The following ANKRD27 variants were observed in gnomAD, a reference collection of about 807,000 sequenced individuals.
ANKRD27 encodes ankyrin repeat domain 27.
ANKRD27 carries 112 observed loss-of-function variants against 129.7 expected under a neutral mutation model. The observed-to-expected ratio is 0.86, with a 90% confidence interval of 0.74 to 1.01. The LOEUF (loss-of-function observed/expected upper bound fraction) is 1.01. ANKRD27 is among the 50% of genes least tolerant of loss of function. The pLI, the probability that ANKRD27 is intolerant of heterozygous loss-of-function variation, is 0.00. For missense variants in ANKRD27, 1,258 were observed against 1,300.5 expected (o/e 0.97, Z 0.50); for synonymous variants, 516 against 511.2 (o/e 1.01, Z -0.13).
At chr19:32,626,040 G>A in intron 16 of ANKRD27, 74 bp from the exon 17 acceptor site, 3 of 1,253,394 alleles carry the variant, frequency 2.4e-6, no homozygotes, top group Admixed American at 2.9e-5. Flanking sequence ...GTCTTAGCAG[G>A]GGGAGGTCAT....
At chr19:32,666,969 G>A (rs1032427220) in intron 1 of ANKRD27, among the ~76,000 whole-genome samples, 5 of 152,056 alleles carry the variant, frequency 3.3e-5, no homozygotes, top group East Asian at 3.9e-4. Context: ...TTCTAACCAC[G>A]TCATCCCACC....
At position 32,631,501 on chromosome 19, in the gene ANKRD27, G is replaced by A. The variant is rs772069109; in HGVS notation, c.1117-7C>T. The A allele has an allele frequency of 1.9e-6, 3 of 1,612,644 alleles. No individual in the cohort carries two copies. In the African/African-American group the frequency reaches 4.0e-5, roughly 22 times the overall value. The stretch of plus-strand genomic sequence containing the variant: ...CTCCAAATCCCTCAGACTCCTGCAG[G>A]GAAAAAACCAAACACACCACGAGAT... On this transcript the variant is annotated splice_polypyrimidine_tract_variant and splice_region_variant and intron_variant, in intron 12 of 28. Transcript: ENST00000306065.
intron 4 of ANKRD27, among the ~76,000 whole-genome samples, chr19:32,645,002 C>T (rs774786984): frequency 1.0e-4 from 15 of 147,474 alleles, no homozygotes; most frequent in Non-Finnish European, 2.0e-4. Context: ...ACAGCAGCCC[C>T]GATCCACACC....
At position 32,625,952 on chromosome 19, in the gene ANKRD27, G is replaced by C. The variant is rs761855525; in HGVS notation, c.1551C>G (p.His517Gln). Residue 517 changes from histidine (H) to glutamine (Q), a missense_variant, in exon 17 of 29, where the codon CAC becomes CAG. Coordinates refer to ENST00000306065, the MANE Select transcript of ANKRD27 (RefSeq NM_032139.3). ...CCTGCACTTCCGCGCTGGCCTTGTA[G>C]TGCAGCAGCAGCAGCTGCGGAGATA... ...GYQSVTLLLL[H>Q]YKASAEVQDN... 2.5e-6 allele frequency: 4 copies of C among 1,610,142 alleles called. No individual in the cohort carries two copies. The highest frequency in any genetic ancestry group is 3.4e-6 in the Non-Finnish European group (4 of 1,179,076).
At chr19:32,610,107 C>CGA (rs1203796922) in intron 22 of ANKRD27, among the ~76,000 whole-genome samples, 4 of 151,926 alleles carry the variant, frequency 2.6e-5, no homozygotes, top group Admixed American at 2.6e-4. Flanking sequence ...GTCAAGAGAT[C>CGA]GAGACCATCC....
intron 2 of ANKRD27, among the ~76,000 whole-genome samples, chr19:32,655,963 A>G (rs1039840959): frequency 6.6e-6 from 1 of 151,684 alleles, no homozygotes; most frequent in Non-Finnish European, 1.5e-5. Flanking sequence ...GGTTGCAGCA[A>G]GCCCAGATAG....
At chr19:32,642,251 A>G (rs1472007358) in intron 9 of ANKRD27, 106 bp from the exon 10 acceptor site, 1 of 1,174,956 alleles carries the variant, frequency 8.5e-7, no homozygotes, top group Non-Finnish European at 1.1e-6. Flanking sequence ...AACAAACCAG[A>G]AGGAATGAAA....
chr19:32,657,332 C>G (rs1377493961), intron 2 of ANKRD27, among the ~76,000 whole-genome samples: 2 of 151,924 alleles, frequency 1.3e-5, no homozygotes, highest in Non-Finnish European at 2.9e-5. Context: ...TGTGGTGGCA[C>G]ACACCTGTAG....
chr19:32,603,291 A>G (rs1308736783), intron 25 of ANKRD27, among the ~76,000 whole-genome samples: 4 of 152,160 alleles, frequency 2.6e-5, no homozygotes, highest in Non-Finnish European at 5.9e-5. Flanking sequence ...AAGAAACAAA[A>G]AATTACTCTA....
rs1568410839 is a variant in ANKRD27 at position 32,640,291 on chromosome 19, T to C, written c.983+16A>G. The C allele has an allele frequency of 6.2e-7, 1 of 1,608,846 alleles. No homozygotes were observed. Among genetic ancestry groups the C allele is most frequent in the African/African-American group, 1.3e-5 (1 of 74,844 alleles). On this transcript the variant is annotated intron_variant, in intron 11 of 28. Coordinates refer to ENST00000306065, the MANE Select transcript of ANKRD27 (RefSeq NM_032139.3). ...CACTGCCATTTTCAAAAGAGTATCT[T>C]AAAAGAAAATGTTACCAATTAGGGA...
chr19:32,659,633 A>C (rs1236022666), intron 1 of ANKRD27, among the ~76,000 whole-genome samples: 1 of 152,198 alleles, frequency 6.6e-6, no homozygotes, highest in African/African-American at 2.4e-5. Flanking sequence ...CAAGATACTC[A>C]TTTATTTTTA....
chr19:32,625,995 G>A (rs377112180), intron 16 of ANKRD27, 29 bp from the exon 17 acceptor site: 38 of 1,558,738 alleles, frequency 2.4e-5, no homozygotes, highest in African/African-American at 4.1e-5. Flanking sequence ...GCGATGAGCA[G>A]GGCACAGCCG....
At chr19:32,602,173 T>G in intron 25 of ANKRD27, 47 bp from the exon 26 acceptor site, 1 of 1,199,822 alleles carries the variant, frequency 8.3e-7, no homozygotes, top group Non-Finnish European at 1.2e-6. Context: ...TATTCTTTTT[T>G]AATAGGTTAT....
At chr19:32,671,298 A>AG (rs1314464853) in intron 1 of ANKRD27, among the ~76,000 whole-genome samples, 1 of 151,898 alleles carries the variant, frequency 6.6e-6, no homozygotes, top group African/African-American at 2.4e-5. Flanking sequence ...CAAAAAAAAA[A>AG]AGTAATAATC....
chr19:32,653,049 C>T (rs774244959), intron 2 of ANKRD27, among the ~76,000 whole-genome samples: 2 of 152,196 alleles, frequency 1.3e-5, no homozygotes, highest in Non-Finnish European at 2.9e-5. Flanking sequence ...CAACTGCCCA[C>T]GCTGCCTTCT....
At chr19:32,600,540 CAAAA>C (rs201989131) in intron 26 of ANKRD27, among the ~76,000 whole-genome samples, 4 of 151,752 alleles carry the variant, frequency 2.6e-5, no homozygotes, top group African/African-American at 9.7e-5. Context: ...GACTCCATCT[CAAAA>C]AAAAGCTACA....
chr19:32,637,301 A>G (rs780222271), intron 12 of ANKRD27: 1 of 152,146 alleles, frequency 6.6e-6, no homozygotes, highest in Non-Finnish European at 1.5e-5. Flanking sequence ...CATTTTATAG[A>G]TTTCAACTTT....
intron 10 of ANKRD27, among the ~76,000 whole-genome samples, chr19:32,641,322 C>A (rs1011675429): frequency 4.6e-5 from 7 of 152,058 alleles, no homozygotes; most frequent in Admixed American, 3.9e-4. Context: ...GAAGATGAGC[C>A]CAGAGCCATC....
At chr19:32,607,165 AAG>A (rs1491225767) in intron 23 of ANKRD27, among the ~76,000 whole-genome samples, 19,697 of 134,746 alleles carry the variant, frequency 0.15, 1,487 homozygotes, top group Middle Eastern at 0.24. Flanking sequence ...AAAAAAAAAA[AAG>A]GCAAAAAACC....
Sources: allele counts gnomAD v4.1 joint callset (sites outside exome capture counted in the v4.1 genomes callset), GRCh38; gene constraint gnomAD v4.1.1; transcripts MANE v1.5; gene names NCBI Gene and HGNC (gene_info 2026-07-23, HGNC 2026-07-21).